Variants in ROBO2 observed in about 807,000 individuals in gnomAD.
The protein encoded by ROBO2 is roundabout guidance receptor 2.
Under a neutral mutation model 160.8 loss-of-function variants are expected in ROBO2, and 53 were observed. The ratio of observed to expected loss-of-function variants is 0.33; its 90% CI spans 0.26 to 0.41. The LOEUF (loss-of-function observed/expected upper bound fraction) is 0.41, where lower values mean the gene tolerates loss of function less well. ROBO2 is among the 10% of genes least tolerant of loss of function. ROBO2 has a pLI of 1.00. For synonymous variants in ROBO2, 664 were observed against 611.7 expected, an observed-to-expected ratio of 1.09 and a Z score of -1.26; for missense variants, 1,577 against 1,722.4, an observed-to-expected ratio of 0.92 and a Z score of 1.49.
intron 2 of ROBO2, among the ~76,000 whole-genome samples, chr3:77,299,177 A>G (rs953357581): frequency 6.6e-6 from 1 of 152,204 alleles, no homozygotes; most frequent in Admixed American, 6.6e-5. Flanking sequence ...ATATAAGTTG[A>G]GATGGCAAGT....
intron 1 of ROBO2, among the ~76,000 whole-genome samples, chr3:77,066,509 T>G (rs939136091): frequency 3.3e-5 from 5 of 152,130 alleles, no homozygotes; most frequent in Non-Finnish European, 7.4e-5. Context: ...AGAAAAATTT[T>G]GTTAGACAGC....
chr3:75,972,402 G>A (rs903179391), intron 2 of ROBO2, among the ~76,000 whole-genome samples: 1 of 151,676 alleles, frequency 6.6e-6, no homozygotes, highest in African/African-American at 2.4e-5. Flanking sequence ...GAAGGGAACA[G>A]TGGGGCAGGG....
intron 2 of ROBO2, among the ~76,000 whole-genome samples, chr3:77,141,577 G>A (rs2076707422): frequency 1.3e-5 from 2 of 152,128 alleles, no homozygotes; most frequent in South Asian, 4.1e-4. Context: ...ACTTTGTGAT[G>A]TGCAATTTCT....
intron 2 of ROBO2, among the ~76,000 whole-genome samples, chr3:77,129,180 AT>A (rs1417287244): frequency 6.6e-6 from 1 of 151,362 alleles, no homozygotes; most frequent in East Asian, 1.9e-4. Flanking sequence ...ATGTGTCTTT[AT>A]TTTTCAACTT....
chr3:76,035,909 T>G (rs1248794321), intron 2 of ROBO2, among the ~76,000 whole-genome samples: 1 of 152,006 alleles, frequency 6.6e-6, no homozygotes, highest in Non-Finnish European at 1.5e-5. Context: ...TAGCTCCACC[T>G]TTTCATGGAA....
At chr3:77,172,472 A>C (rs1318918376) in intron 2 of ROBO2, among the ~76,000 whole-genome samples, 3 of 152,166 alleles carry the variant, frequency 2.0e-5, no homozygotes, top group Non-Finnish European at 4.4e-5. Context: ...AACGGTATGA[A>C]AATCATGCAT....
At chr3:77,536,488 C>A (rs1048846574) in intron 6 of ROBO2, among the ~76,000 whole-genome samples, 1 of 151,792 alleles carries the variant, frequency 6.6e-6, no homozygotes. Flanking sequence ...TCTATGGTTT[C>A]TCCAGCTGTA....
In ROBO2 at chr3:76,957,358, A is replaced by G. The variant is rs543828367; in HGVS notation, c.110-140656A>G. Among the ~76,000 whole-genome samples the G allele has an allele frequency of 1.1e-4, 17 of 152,244 alleles. 1 individual carries two copies. In the South Asian group the frequency reaches 3.5e-3, roughly 32 times the overall value. ...TAAACATTATGTTTCCAATTTTAAAAGAAATTAAATAGGAGAATACCTATT... is the reference window on the plus strand; with the variant it reads ...TAAACATTATGTTTCCAATTTTAAAGGAAATTAAATAGGAGAATACCTATT... On this transcript the variant is annotated intron_variant, in intron 2 of 26. Coordinates refer to the ROBO2 transcript ENST00000487694.
At chr3:76,554,173 T>C (rs2083572913) in intron 2 of ROBO2, among the ~76,000 whole-genome samples, 1 of 152,182 alleles carries the variant, frequency 6.6e-6, no homozygotes, top group Non-Finnish European at 1.5e-5. Flanking sequence ...TTTGAAAGAA[T>C]GAGCTACATC....
intron 2 of ROBO2, among the ~76,000 whole-genome samples, chr3:76,447,801 C>G (rs896430636): frequency 8.8e-5 from 13 of 147,704 alleles, no homozygotes; most frequent in Admixed American, 4.2e-4. Flanking sequence ...GACAAAAAAC[C>G]AAGCACTGCA....
chr3:76,507,915 A>G (rs1320615974), intron 2 of ROBO2, among the ~76,000 whole-genome samples: 3 of 152,178 alleles, frequency 2.0e-5, no homozygotes, highest in African/African-American at 7.2e-5. Context: ...TGTTTCAAAC[A>G]TTCAATAGCA....
intron 1 of ROBO2, among the ~76,000 whole-genome samples, chr3:75,930,310 T>C (rs1352781872): frequency 6.6e-6 from 1 of 152,136 alleles, no homozygotes; most frequent in African/African-American, 2.4e-5. Context: ...GAGACTCTCC[T>C]TGGGACACAG....
intron 2 of ROBO2, among the ~76,000 whole-genome samples, chr3:76,644,333 C>T (rs13083085): frequency 0.2 from 30,938 of 152,064 alleles, 3,303 homozygotes; most frequent in Middle Eastern, 0.23. Context: ...GTAAAAAAGC[C>T]TATAAACAAA....
At chr3:76,808,838 G>GTTTTCAT (rs1375552877) in intron 2 of ROBO2, among the ~76,000 whole-genome samples, 2 of 151,936 alleles carry the variant, frequency 1.3e-5, no homozygotes, top group African/African-American at 4.8e-5. Flanking sequence ...CAGTGATTGG[G>GTTTTCAT]GAATGAAAAA....
intron 2 of ROBO2, among the ~76,000 whole-genome samples, chr3:76,125,936 C>T (rs1410605390): frequency 1.3e-5 from 2 of 152,102 alleles, no homozygotes; most frequent in East Asian, 1.9e-4. Context: ...AAGCAATTCT[C>T]CTGTCTCAGC....
chr3:77,271,788 G>C (rs967651495), intron 2 of ROBO2, among the ~76,000 whole-genome samples: 3 of 152,170 alleles, frequency 2.0e-5, no homozygotes, highest in African/African-American at 7.2e-5. Flanking sequence ...GCCCCCATGG[G>C]CCCTGACTTT....
chr3:76,118,000 T>C (rs901955775), intron 2 of ROBO2, among the ~76,000 whole-genome samples: 1 of 149,960 alleles, frequency 6.7e-6, no homozygotes, highest in African/African-American at 2.5e-5. Flanking sequence ...TGTAGTGGGG[T>C]GGGGTGAGGG....
chr3:76,643,649 A>G (rs1434958587), intron 2 of ROBO2, among the ~76,000 whole-genome samples: 2 of 136,998 alleles, frequency 1.5e-5, no homozygotes, highest in African/African-American at 5.7e-5. Flanking sequence ...TTAGCTTAAT[A>G]CATAATTTAT....
At chr3:76,286,201 G>A (rs1055002301) in intron 2 of ROBO2, among the ~76,000 whole-genome samples, 71 of 152,166 alleles carry the variant, frequency 4.7e-4, no homozygotes, top group African/African-American at 1.5e-3. Flanking sequence ...CATTGGAAAA[G>A]GAGGAACAAG....
Sources: allele counts gnomAD v4.1 joint callset (sites outside exome capture counted in the v4.1 genomes callset), GRCh38; gene constraint gnomAD v4.1.1; transcripts MANE v1.5; gene names NCBI Gene and HGNC (gene_info 2026-07-23, HGNC 2026-07-21).